MELK: variants seen among roughly 807,000 people sequenced by gnomAD.
MELK encodes pEg3 kinase.
A neutral mutation model predicts 85.0 loss-of-function variants in MELK; 81 were observed. That is an observed-to-expected ratio of 0.95 (90% CI 0.80 to 1.15). The LOEUF is 1.15. Among genes scored for constraint, MELK ranks in the 50% most tolerant of loss-of-function variants. The pLI is 0.00. For synonymous variants in MELK, 252 were observed against 265.0 expected, an observed-to-expected ratio of 0.95 and a Z score of 0.48; for missense variants, 754 against 777.5, an observed-to-expected ratio of 0.97 and a Z score of 0.36.
At chr9:36,578,293 G>C (rs1465719933) in intron 1 of MELK, among the ~76,000 whole-genome samples, 2 of 150,742 alleles carry the variant, frequency 1.3e-5, no homozygotes, top group Non-Finnish European at 2.9e-5. Flanking sequence ...CAGCTCCAGA[G>C]CTGCATTTCC....
chr9:36,665,633 T>A, intron 14 of MELK, 52 bp downstream of exon 14: 1 of 1,382,082 alleles, frequency 7.2e-7, no homozygotes. Flanking sequence ...CTTACCATGT[T>A]AAGTAAACAT....
chr9:36,669,594 GA>G (rs779894124), intron 15 of MELK, among the ~76,000 whole-genome samples, 188 bp downstream of exon 15: 102 of 152,286 alleles, frequency 6.7e-4, no homozygotes, highest in Non-Finnish European at 1.3e-3. Flanking sequence ...TCATGGGGTA[GA>G]ATCATGAAAC....
In MELK at chr9:36,606,333, T is replaced by G. The variant is rs963943051; in HGVS notation, c.568-1242T>G. Among the ~76,000 whole-genome samples the G allele has an allele frequency of 4.1e-5, 6 of 145,612 alleles. No homozygotes were observed. In the Admixed American group the frequency reaches 4.2e-4, roughly 10 times the overall value. ...CATATGTATAGGTGTGTATATAATATATACATATGTATAGGTGTGTATATA... is the reference window on the plus strand; with the variant it reads ...CATATGTATAGGTGTGTATATAATAGATACATATGTATAGGTGTGTATATA... On this transcript the variant is annotated intron_variant, in intron 7 of 17. Coordinates refer to ENST00000298048, the MANE Select transcript of MELK (RefSeq NM_014791.4).
At chr9:36,674,276 C>G (rs970685064) in intron 16 of MELK, among the ~76,000 whole-genome samples, 1 of 152,136 alleles carries the variant, frequency 6.6e-6, no homozygotes, top group Non-Finnish European at 1.5e-5. Flanking sequence ...GAATTAGGCT[C>G]TCAGTCAATG....
intron 8 of MELK, among the ~76,000 whole-genome samples, chr9:36,623,601 A>G (rs1174913950): frequency 1.3e-5 from 2 of 152,210 alleles, no homozygotes; most frequent in Non-Finnish European, 2.9e-5. Flanking sequence ...TGCCTAGACG[A>G]TGTGTACCTT....
rs2137840478 is a variant in MELK, at chr9:36,665,515, G to T, written c.1342G>T (p.Val448Phe). 1.2e-6 allele frequency: 2 copies of T among 1,613,908 alleles called. No individual in the cohort carries two copies. The highest frequency in any genetic ancestry group is 4.5e-5 in the East Asian group (2 of 44,812). ...TATGTTTCCTGAGCCAAAGACTCCA[G>T]TTAATAAGAACCAGCATAAGAGAGA... Reference protein sequence around the residue: ...YFMFPEPKTPVNKNQHKREIL... With the variant: ...YFMFPEPKTPFNKNQHKREIL... The change falls in exon 14 of 18, where the codon GTT becomes TTT. Residue 448 changes from valine (V) to phenylalanine (F), a missense_variant. Physicochemically the swap from Val to Phe is conservative, Grantham distance 50. Transcript: ENST00000298048.
intron 8 of MELK, among the ~76,000 whole-genome samples, chr9:36,620,533 CCTAG>C (rs1464947347): frequency 6.6e-6 from 1 of 151,184 alleles, no homozygotes; most frequent in Admixed American, 6.6e-5. Flanking sequence ...CTTGTTTCAG[CCTAG>C]CATTCTCTTC....
At chr9:36,674,807 T>C (rs1833197054) in intron 16 of MELK, 27 bp from the exon 17 acceptor site, 1 of 1,401,302 alleles carries the variant, frequency 7.1e-7, no homozygotes, top group Non-Finnish European at 1.0e-6. Context: ...AAAATTTACT[T>C]CTCATCTCTT....
In MELK at chr9:36,665,584, A is replaced by G. The variant is rs953137560; in HGVS notation, c.1408+3A>G. The G allele has an allele frequency of 3.1e-6, 5 of 1,598,630 alleles. No homozygotes were observed. The highest frequency in any genetic ancestry group is 2.7e-5 in the African/African-American group (2 of 74,366). ...TCGTTACACTACACCCTCAAAAGGT[A>G]TTTGCTAAGTGAATTAAGCAGTAAG... is the stretch of plus-strand genomic sequence containing the variant. On this transcript the variant is annotated splice_donor_region_variant and intron_variant, in intron 14 of 17. Coordinates refer to ENST00000298048, the MANE Select transcript of MELK (RefSeq NM_014791.4).
intron 10 of MELK, among the ~76,000 whole-genome samples, chr9:36,639,132 C>A (rs1293682491): frequency 6.6e-6 from 1 of 152,182 alleles, no homozygotes; most frequent in Admixed American, 6.5e-5. Context: ...AGTAACTTTT[C>A]TGAGTCTTCA....
At chr9:36,631,970 A>G (rs932119031) in intron 9 of MELK, among the ~76,000 whole-genome samples, 6 of 151,974 alleles carry the variant, frequency 3.9e-5, no homozygotes, top group East Asian at 3.9e-4. Context: ...CCTTTTCCCA[A>G]CTCTTGCTCA....
At chr9:36,622,024 A>G (rs1827500258) in intron 8 of MELK, among the ~76,000 whole-genome samples, 1 of 152,192 alleles carries the variant, frequency 6.6e-6, no homozygotes, top group South Asian at 2.1e-4. Flanking sequence ...TGGAATGAAT[A>G]TGGTAGAAAA....
chr9:36,584,719 C>CTTTTT (rs869168768), intron 3 of MELK, among the ~76,000 whole-genome samples: 2 of 129,764 alleles, frequency 1.5e-5, no homozygotes, highest in African/African-American at 2.9e-5. Flanking sequence ...TATGTCCTAG[C>CTTTTT]TTTTTTTTTT....
chr9:36,658,623 A>G (rs1462876909), intron 13 of MELK, among the ~76,000 whole-genome samples: 3 of 152,136 alleles, frequency 2.0e-5, no homozygotes, highest in African/African-American at 4.8e-5. Context: ...GGTAAGGCCT[A>G]CGTCTGGACT....
intron 14 of MELK, among the ~76,000 whole-genome samples, chr9:36,667,863 G>A (rs1162768707): frequency 6.6e-6 from 1 of 151,962 alleles, no homozygotes; most frequent in Non-Finnish European, 1.5e-5. Flanking sequence ...CGCCTCCCAG[G>A]TTCAAGAGAT....
chr9:36,605,107 G>T (rs12002986), intron 7 of MELK, among the ~76,000 whole-genome samples: 14,757 of 152,046 alleles, frequency 0.097, 762 homozygotes, highest in Middle Eastern at 0.15. Context: ...GGCCCTGCTG[G>T]TCTTGAACTC....
chr9:36,640,392 A>G (rs2136858493), intron 10 of MELK, among the ~76,000 whole-genome samples: 1 of 152,228 alleles, frequency 6.6e-6, no homozygotes, highest in Non-Finnish European at 1.5e-5. Context: ...CACGTGGTGG[A>G]ACGGGAGAAA....
At chr9:36,628,775 A>G (rs1429956858) in intron 8 of MELK, among the ~76,000 whole-genome samples, 1 of 151,748 alleles carries the variant, frequency 6.6e-6, no homozygotes, top group Non-Finnish European at 1.5e-5. Flanking sequence ...ATTACTCTTT[A>G]TAGTTGTTGG....
intron 10 of MELK, among the ~76,000 whole-genome samples, chr9:36,636,820 C>CTGTCTTTCTGTCTTTCTTGTCTTTCT (rs1829257220): frequency 2.0e-5 from 3 of 146,982 alleles, no homozygotes; most frequent in African/African-American, 7.8e-5. Flanking sequence ...TTCTTTCTTT[C>CTGTCTTTCTGTCTTTCTTGTCTTTCT]TGTCTTTCTT....
Sources: allele counts gnomAD v4.1 joint callset (sites outside exome capture counted in the v4.1 genomes callset), GRCh38; gene constraint gnomAD v4.1.1; transcripts MANE v1.5; gene names NCBI Gene and HGNC (gene_info 2026-07-23, HGNC 2026-07-21).